Variants in OSBPL8 observed in about 807,000 individuals in gnomAD.
OSBPL8 encodes oxysterol binding protein like 8, also known as oxysterol-binding protein-related protein 8.
In OSBPL8, 59 loss-of-function variants were observed where a neutral mutation model predicts 125.5. That is an observed-to-expected ratio of 0.47 (90% CI 0.38 to 0.58). The LOEUF is 0.58. OSBPL8 is among the 20% of genes least tolerant of loss of function. The pLI is 0.00. For missense variants in OSBPL8, 758 were observed against 1,047.8 expected, an observed-to-expected ratio of 0.72 and a Z score of 3.82; for synonymous variants, 330 against 338.9, an observed-to-expected ratio of 0.97 and a Z score of 0.29.
chr12:76,502,765 G>A (rs1193753359), intron 1 of OSBPL8, among the ~76,000 whole-genome samples: 1 of 151,994 alleles, frequency 6.6e-6, no homozygotes, highest in Non-Finnish European at 1.5e-5. Flanking sequence ...ACTTGCTGAG[G>A]GTAAATGAAT....
At chr12:76,487,482 G>C in intron 2 of OSBPL8, 28 bp downstream of exon 2, 2 of 1,568,890 alleles carry the variant, frequency 1.3e-6, no homozygotes, top group South Asian at 1.2e-5. Context: ...ACAGATGATA[G>C]AACCTATGTC....
intron 1 of OSBPL8, among the ~76,000 whole-genome samples, chr12:76,533,558 C>G (rs1247922129): frequency 6.6e-6 from 1 of 152,116 alleles, no homozygotes; most frequent in Non-Finnish European, 1.5e-5. Flanking sequence ...AACACAGGAG[C>G]AGACACAAAC....
At chr12:76,558,456 AACTT>A (rs763180452) in intron 1 of OSBPL8, among the ~76,000 whole-genome samples, 30 of 152,318 alleles carry the variant, frequency 2.0e-4, no homozygotes, top group Admixed American at 7.2e-4. Context: ...TTTTGGGAAA[AACTT>A]AACTGCCATG....
chr12:76,534,335 G>A (rs1283814512), intron 1 of OSBPL8: 1 of 152,150 alleles, frequency 6.6e-6, no homozygotes, highest in Non-Finnish European at 1.5e-5. Flanking sequence ...ATTGAAAAGT[G>A]TTACAATTTC....
intron 4 of OSBPL8, among the ~76,000 whole-genome samples, chr12:76,433,038 C>G (rs1219182945): frequency 6.6e-6 from 1 of 152,084 alleles, no homozygotes; most frequent in Non-Finnish European, 1.5e-5. Flanking sequence ...CTATTCATAA[C>G]AAAAACTCTC....
intron 3 of OSBPL8, among the ~76,000 whole-genome samples, chr12:76,455,241 TAAA>T (rs554598965): frequency 7.2e-6 from 1 of 137,958 alleles, no homozygotes. Flanking sequence ...AGACTCTATC[TAAA>T]AAAAAAAAAA....
intron 1 of OSBPL8, among the ~76,000 whole-genome samples, chr12:76,499,347 T>TATCTATCTATC (rs1555231530): frequency 9.3e-6 from 1 of 107,700 alleles, no homozygotes; most frequent in Non-Finnish European, 2.1e-5. Flanking sequence ...TCTATCTATC[T>TATCTATCTATC]ATCATCTATC....
chr12:76,370,350 G>A (rs1398278497), intron 19 of OSBPL8, among the ~76,000 whole-genome samples: 1 of 152,156 alleles, frequency 6.6e-6, no homozygotes, highest in Non-Finnish European at 1.5e-5. Flanking sequence ...TGTATTGCTA[G>A]TGTTGAGAAC....
intron 1 of OSBPL8, among the ~76,000 whole-genome samples, chr12:76,539,409 T>G (rs1950583276): frequency 6.6e-6 from 1 of 151,794 alleles, no homozygotes; most frequent in African/African-American, 2.4e-5. Context: ...ATGCCAAAGT[T>G]TAAGAATAAG....
chr12:76,375,457 A>T, intron 16 of OSBPL8, 87 bp from the exon 17 acceptor site: 2 of 836,708 alleles, frequency 2.4e-6, no homozygotes, highest in Non-Finnish European at 3.8e-6. Context: ...CTAATCTTTT[A>T]GGAGAAACAT....
intron 10 of OSBPL8, among the ~76,000 whole-genome samples, chr12:76,392,158 T>C (rs1233204786): frequency 6.6e-6 from 1 of 152,166 alleles, no homozygotes; most frequent in Admixed American, 6.5e-5. Flanking sequence ...TTAAGTCCAG[T>C]GCCATTACTA....
chr12:76,464,145 T>G (rs1875085363), intron 2 of OSBPL8, among the ~76,000 whole-genome samples: 1 of 152,216 alleles, frequency 6.6e-6, no homozygotes, highest in Non-Finnish European at 1.5e-5. Flanking sequence ...ATGGGCGCCT[T>G]GTAGCCCCAG....
At chr12:76,476,842 A>C (rs1343370401) in intron 2 of OSBPL8, among the ~76,000 whole-genome samples, 1 of 152,226 alleles carries the variant, frequency 6.6e-6, no homozygotes, top group African/African-American at 2.4e-5. Flanking sequence ...GGAATGGAAG[A>C]AAAAGGGAAA....
intron 13 of OSBPL8, 58 bp from the exon 14 acceptor site, chr12:76,386,324 T>G: frequency 6.5e-7 from 1 of 1,539,680 alleles, no homozygotes; most frequent in Non-Finnish European, 8.7e-7. Context: ...TCAAAATAGT[T>G]TAAACTAGTC....
chr12:76,386,896 C>T (rs1953335893), intron 12 of OSBPL8, among the ~76,000 whole-genome samples: 2 of 152,076 alleles, frequency 1.3e-5, no homozygotes, highest in South Asian at 4.1e-4. Context: ...TGGGTCTTCG[C>T]TAAAGTAGTT....
chr12:76,455,537 A>G (rs1873931782), intron 3 of OSBPL8, among the ~76,000 whole-genome samples: 1 of 152,248 alleles, frequency 6.6e-6, no homozygotes, highest in Non-Finnish European at 1.5e-5. Context: ...TTTCTAATCC[A>G]TTTTCGATGG....
intron 7 of OSBPL8, among the ~76,000 whole-genome samples, chr12:76,398,974 C>T (rs1953937850): frequency 6.6e-6 from 1 of 152,142 alleles, no homozygotes; most frequent in South Asian, 2.1e-4. Context: ...CCAGGCCAGG[C>T]AACGTGTTGG....
In OSBPL8 at chr12:76,375,737, G is replaced by GT. The variant is rs201904205; in HGVS notation, c.1730-368dup. ...ACACTCTTGGTTCAGCTCCCACATT[G>GT]TTTTAAAAAAAAAAAAAAAGTGTCC... is the stretch of plus-strand genomic sequence containing the variant. On this transcript the variant is annotated intron_variant, in intron 16 of 23. Coordinates refer to ENST00000261183, the MANE Select transcript of OSBPL8 (RefSeq NM_020841.5). Among the ~76,000 whole-genome samples the GT allele has an allele frequency of 4.3e-3, 445 of 102,608 alleles. 4 individuals carry two copies. Among genetic ancestry groups the GT allele is most frequent in the African/African-American group, 0.013 (422 of 32,634 alleles). 67.3% of individuals were successfully genotyped at this position (102,608 alleles called of 152,430 possible). A position where few individuals can be genotyped will look rare whatever the true frequency, so the allele number is the denominator to read the frequency against.
intron 9 of OSBPL8, among the ~76,000 whole-genome samples, chr12:76,394,266 T>TA (rs952583934): frequency 4.7e-4 from 71 of 150,330 alleles, no homozygotes; most frequent in Admixed American, 2.0e-3. Context: ...ATCTCTTACA[T>TA]AAAAAAAAAC....
Sources: allele counts gnomAD v4.1 joint callset (sites outside exome capture counted in the v4.1 genomes callset), GRCh38; gene constraint gnomAD v4.1.1; transcripts MANE v1.5; gene names NCBI Gene and HGNC (gene_info 2026-07-23, HGNC 2026-07-21).